Variants in PCF11 observed in about 807,000 individuals in gnomAD.
PCF11 encodes the protein pre-mRNA cleavage complex 2 protein Pcf11.
Under a neutral mutation model 166.1 loss-of-function variants are expected in PCF11, and 19 were observed. The observed-to-expected ratio is 0.11, with a 90% CI of 0.08 to 0.17. PCF11 has a LOEUF of 0.17. PCF11 is among the 10% of genes least tolerant of loss of function. The probability of loss-of-function intolerance (pLI) is 1.00; values close to 1 mark genes in which losing one functional copy is unlikely to be tolerated. For missense variants in PCF11, 1,565 were observed against 1,855.5 expected (o/e 0.84, Z 2.88); for synonymous variants, 663 against 644.1 (o/e 1.03, Z -0.44).
chr11:83,168,783 G>T (rs75717911), exon 8 of PCF11: 1 of 1,613,698 alleles, frequency 6.2e-7, no homozygotes, highest in Non-Finnish European at 8.5e-7. Context: ...TAGGAGGTGG[G>T]TGTCCTTTGA....
At chr11:83,171,729 A>G in intron 8 of PCF11, 89 bp from the exon 9 acceptor site, 1 of 749,832 alleles carries the variant, frequency 1.3e-6, no homozygotes, top group Non-Finnish European at 2.4e-6. Flanking sequence ...GCCTTGTGAC[A>G]TCTATGAATA....
intron 1 of PCF11, among the ~76,000 whole-genome samples, chr11:83,159,435 C>T (rs11233495): frequency 0.069 from 10,502 of 152,208 alleles, 412 homozygotes; most frequent in Middle Eastern, 0.18. Flanking sequence ...TTTAGCAGCT[C>T]AGGTTGTCAC....
At chr11:83,186,672 C>A (rs1861301840) in exon 16 of PCF11, 1 of 152,174 alleles carries the variant, frequency 6.6e-6, no homozygotes, top group Non-Finnish European at 1.5e-5. Context: ...TTTTAAGAAT[C>A]AAGTGAATAC....
At chr11:83,161,576 G>T (rs748513032) in intron 2 of PCF11, 124 bp downstream of exon 2, 4 of 642,696 alleles carry the variant, frequency 6.2e-6, no homozygotes, top group Non-Finnish European at 1.0e-5. Context: ...GACATTTATC[G>T]TTAGTACCAT....
exon 8 of PCF11, chr11:83,169,093 G>A (rs766976536): frequency 1.2e-6 from 2 of 1,613,290 alleles, no homozygotes; most frequent in Non-Finnish European, 1.7e-6. Flanking sequence ...ATTTGAGGGG[G>A]GTCATGGTCC....
intron 9 of PCF11, among the ~76,000 whole-genome samples, chr11:83,175,770 CA>C (rs1189342832): frequency 6.6e-6 from 1 of 151,824 alleles, no homozygotes. Flanking sequence ...AAAACAAAAA[CA>C]AAAAAAGAAT....
At chr11:83,177,774 A>C (rs1468056288) in exon 11 of PCF11, 1 of 1,542,112 alleles carries the variant, frequency 6.5e-7, no homozygotes, top group Non-Finnish European at 8.8e-7. Context: ...AATGAAGATC[A>C]AGATGTTCCA....
intron 3 of PCF11, 78 bp downstream of exon 3, chr11:83,163,945 A>C (rs1234320017): frequency 1.5e-6 from 1 of 675,268 alleles, no homozygotes; most frequent in Non-Finnish European, 2.3e-6. Context: ...TTACTGCCAG[A>C]AAGTCAAAAT....
rs113932571 is a variant in PCF11, at chr11:83,174,111, C to G, written c.3757+2197C>G. ...CACAGAGGAAATCATAATTATTCCCCTTGTTAGGGGGTATTGAATGGGACA... is the reference window on the plus strand; with the variant it reads ...CACAGAGGAAATCATAATTATTCCCGTTGTTAGGGGGTATTGAATGGGACA... On this transcript the variant is annotated intron_variant, in intron 9 of 15. Coordinates refer to ENST00000298281, the Ensembl canonical transcript of PCF11. Among the ~76,000 whole-genome samples, 1,094 of 152,198 alleles carry G rather than the reference C, an allele frequency of 7.2e-3. 20 individuals are homozygous for G. The highest frequency in any genetic ancestry group is 0.024 in the African/African-American group (1,001 of 41,514).
chr11:83,157,274 C>T, exon 1 of PCF11: 1 of 616,234 alleles, frequency 1.6e-6, no homozygotes, highest in South Asian at 2.0e-5. Flanking sequence ...GTTTCATACC[C>T]GAGGTTCCCC....
At chr11:83,159,677 A>T (rs143953016) in intron 1 of PCF11, among the ~76,000 whole-genome samples, 1 of 152,258 alleles carries the variant, frequency 6.6e-6, no homozygotes, top group South Asian at 2.1e-4. Flanking sequence ...TGGGGGATCT[A>T]TCTTAATCTG....
intron 1 of PCF11, among the ~76,000 whole-genome samples, chr11:83,160,325 T>G (rs1860189423): frequency 7.0e-6 from 1 of 143,804 alleles, no homozygotes; most frequent in African/African-American, 2.7e-5. Flanking sequence ...ACCTAAGTTT[T>G]TTTTTTTTTT....
chr11:83,181,797 C>T (rs1211701237), intron 12 of PCF11, 57 bp from the exon 13 acceptor site: 2 of 1,060,804 alleles, frequency 1.9e-6, no homozygotes, highest in African/African-American at 2.1e-5. Flanking sequence ...ATTGAAGATA[C>T]ACAGTAAAAA....
chr11:83,168,979 C>T (rs754008459), exon 8 of PCF11: 11 of 1,613,648 alleles, frequency 6.8e-6, no homozygotes, highest in African/African-American at 2.7e-5. Flanking sequence ...TGAGGGACAT[C>T]GTGGTCAACC....
At chr11:83,171,073 G>A (rs987378926) in intron 8 of PCF11, among the ~76,000 whole-genome samples, 1 of 152,160 alleles carries the variant, frequency 6.6e-6, no homozygotes, top group Non-Finnish European at 1.5e-5. Context: ...ACTGAACAAG[G>A]ATTATAAATG....
Position 83,176,914 on chromosome 11 carries a change from A to C in PCF11, c.3758-171A>C, listed in dbSNP as rs142248030. ...GACTTGTAGACCTAAATGAAAAGAT[A>C]ATCTTAGGGGCTTTTGAAATTAAAC... is the stretch of plus-strand genomic sequence containing the variant. On this transcript the variant is annotated intron_variant, in intron 9 of 15. Transcript: ENST00000298281. 1.1e-4 allele frequency among the ~76,000 whole-genome samples: 16 copies of C among 152,280 alleles called. No individual in the cohort carries two copies. In the East Asian group the frequency reaches 2.9e-3, roughly 27 times the overall value.
chr11:83,176,291 A>G (rs12800469), intron 9 of PCF11, among the ~76,000 whole-genome samples: 21 of 152,200 alleles, frequency 1.4e-4, no homozygotes, highest in Non-Finnish European at 2.8e-4. Flanking sequence ...TTCCTCAAGC[A>G]TCTAGAACTA....
chr11:83,180,782 C>A, intron 11 of PCF11: 1 of 335,046 alleles, frequency 3.0e-6, no homozygotes, highest in East Asian at 4.5e-5. Flanking sequence ...TGGGTCAGGG[C>A]TATCAATAAG....
chr11:83,181,817 A>C (rs1028752635), intron 12 of PCF11, 37 bp from the exon 13 acceptor site: 1 of 1,478,066 alleles, frequency 6.8e-7, no homozygotes, highest in African/African-American at 1.4e-5. Flanking sequence ...ATTTAGAAAT[A>C]AATGGAATAA....
Sources: allele counts gnomAD v4.1 joint callset (sites outside exome capture counted in the v4.1 genomes callset), GRCh38; gene constraint gnomAD v4.1.1; transcripts MANE v1.5; gene names NCBI Gene and HGNC (gene_info 2026-07-23, HGNC 2026-07-21).